Variants in MROH7 observed in about 807,000 individuals in gnomAD.
MROH7 encodes the protein maestro heat like repeat family member 7.
Under a neutral mutation model 129.2 loss-of-function variants are expected in MROH7, and 113 were observed. The observed-to-expected ratio is 0.87, with a 90% CI of 0.75 to 1.02. The LOEUF (loss-of-function observed/expected upper bound fraction) is 1.02, where lower values mean the gene tolerates loss of function less well. MROH7 is among the 50% of genes least tolerant of loss of function. MROH7 has a pLI of 0.00. For synonymous variants in MROH7, 655 were observed against 667.9 expected, an observed-to-expected ratio of 0.98 and a Z score of 0.30; for missense variants, 1,601 against 1,671.3, an observed-to-expected ratio of 0.96 and a Z score of 0.73.
chr1:54,690,407 A>G (rs1645214617), intron 15 of MROH7, among the ~76,000 whole-genome samples: 1 of 151,552 alleles, frequency 6.6e-6, no homozygotes, highest in Non-Finnish European at 1.5e-5. Context: ...TCAACTACGA[A>G]TGATGCAGTT....
At chr1:54,700,265 C>T in intron 17 of MROH7, 56 bp from the exon 18 acceptor site, 1 of 1,608,910 alleles carries the variant, frequency 6.2e-7, no homozygotes, top group Non-Finnish European at 8.5e-7. Context: ...CATGGGAGGC[C>T]AGGGGGCTGC....
chr1:54,673,266 C>A, intron 8 of MROH7, 80 bp downstream of exon 8: 1 of 1,082,470 alleles, frequency 9.2e-7, no homozygotes, highest in Non-Finnish European at 1.4e-6. Context: ...GCAGTGGAGG[C>A]CAGACCTAGG....
chr1:54,705,573 C>A (rs938320556), intron 21 of MROH7, among the ~76,000 whole-genome samples: 9 of 152,116 alleles, frequency 5.9e-5, no homozygotes, highest in African/African-American at 2.2e-4. Flanking sequence ...TGAGCTGAGG[C>A]TTAAAGGATG....
rs185780231 is a variant in MROH7 at position 54,647,567 on chromosome 1, C to A, written c.-109-4382C>A. ...CCAGCCTGACCAATATGATGAAACC[C>A]CGTCGCTACTAAAAATACAAAAATT... is the stretch of plus-strand genomic sequence containing the variant. On this transcript the variant is annotated intron_variant, in intron 1 of 23. Coordinates refer to ENST00000421030, the MANE Select transcript of MROH7 (RefSeq NM_001039464.4). Among the ~76,000 whole-genome samples, 24 of 152,140 alleles carry A rather than the reference C, an allele frequency of 1.6e-4. No individual in the cohort carries two copies. In the East Asian group the frequency reaches 4.4e-3, roughly 28 times the overall value.
chr1:54,686,901 C>T lies in MROH7; in HGVS notation c.2711+453C>T, dbSNP rs113689815. 3.2e-3 allele frequency among the ~76,000 whole-genome samples: 490 copies of T among 152,262 alleles called. 1 individual carries two copies. The highest frequency in any genetic ancestry group is 0.017 in the Middle Eastern group (5 of 294). On this transcript the variant is annotated intron_variant, in intron 15 of 23. Transcript: ENST00000421030. ...CAAAGACAACCAAGTTCTTCATGCC[C>T]TCCCAGAGGAGGATTATGCAGGGAT...
chr1:54,692,583 G>A (rs1295577997), intron 16 of MROH7, 22 bp downstream of exon 16: 2 of 1,607,564 alleles, frequency 1.2e-6, no homozygotes, highest in Non-Finnish European at 1.7e-6. Flanking sequence ...GACCACCTTG[G>A]GGTTGGGGTG....
At chr1:54,678,671 G>A in intron 10 of MROH7, 71 bp from the exon 11 acceptor site, 2 of 1,026,020 alleles carry the variant, frequency 1.9e-6, no homozygotes, top group Non-Finnish European at 3.1e-6. Flanking sequence ...TTATGATGTA[G>A]GGACTTCCTA....
intron 17 of MROH7, chr1:54,699,094 T>TGCCTTTCTTTTTTTTTCTTTC (rs1553176859): frequency 4.1e-5 from 4 of 98,230 alleles, no homozygotes; most frequent in African/African-American, 1.7e-4. Flanking sequence ...TTGCCTGGCC[T>TGCCTTTCTTTTTTTTTCTTTC]TTTCTTTCTT....
At position 54,710,181 on chromosome 1, in the gene MROH7, GA is replaced by G; in HGVS notation, c.3968del (p.Lys1323SerfsTer21). Reference sequence around the variant, plus strand: ...TGGGCTCCTGGAAGATGTCCTTGAAGAAGTGACGTCCCTGAGCCCCAAACCC... The same window carrying G: ...TGGGCTCCTGGAAGATGTCCTTGAAGAGTGACGTCCCTGAGCCCCAAACCC... ...ALGSWKMSLKK is the reference protein window; with the variant it reads ...ALGSWKMSLKX On this transcript the variant is annotated frameshift_variant, in exon 24 of 24. Coordinates refer to ENST00000421030, the MANE Select transcript of MROH7 (RefSeq NM_001039464.4). LOFTEE classifies it high-confidence loss of function. 1 of 1,611,456 alleles carries G rather than the reference GA, an allele frequency of 6.2e-7. No homozygotes were observed. Among genetic ancestry groups the G allele is most frequent in the East Asian group, 2.2e-5 (1 of 44,848 alleles).
chr1:54,682,617 C>T, intron 13 of MROH7, 39 bp from the exon 14 acceptor site: 1 of 1,593,694 alleles, frequency 6.3e-7, no homozygotes, highest in Non-Finnish European at 8.6e-7. Flanking sequence ...GCCCCACTGC[C>T]TTGGCCACCA....
At chr1:54,660,286 C>T (rs1053128024) in intron 3 of MROH7, among the ~76,000 whole-genome samples, 22 of 152,156 alleles carry the variant, frequency 1.4e-4, no homozygotes, top group South Asian at 2.1e-4. Context: ...TGTATGAAGC[C>T]TCTTTTATAA....
In MROH7 at chr1:54,652,935, G is replaced by A. The variant is rs1210328814; in HGVS notation, c.9G>A (p.Leu3=). The change falls in exon 3 of 24, where the codon CTG becomes CTA. Residue 3 remains leucine (L), a synonymous_variant. Coordinates refer to ENST00000421030, the MANE Select transcript of MROH7 (RefSeq NM_001039464.4). ...AGACCTCCAGACTGGACATGGCCCT[G>A]AGTCCAGGGGCTAACCTGGTCTTCC... is the stretch of plus-strand genomic sequence containing the variant. MA[L]SPGANLVFHE... 3 of 1,585,178 alleles carry A rather than the reference G, an allele frequency of 1.9e-6. No homozygotes were observed. Among genetic ancestry groups the A allele is most frequent in the Admixed American group, 1.8e-5 (1 of 54,708 alleles).
intron 14 of MROH7, among the ~76,000 whole-genome samples, chr1:54,684,917 T>A (rs1387691401): frequency 6.6e-6 from 1 of 152,262 alleles, no homozygotes; most frequent in Non-Finnish European, 1.5e-5. Context: ...TCAGCCCATG[T>A]TAGGTCACTT....
intron 4 of MROH7, among the ~76,000 whole-genome samples, chr1:54,668,378 T>C (rs556631953): frequency 1.2e-4 from 18 of 152,338 alleles, no homozygotes; most frequent in African/African-American, 4.1e-4. Flanking sequence ...AAATTAGTTT[T>C]CTTATTTCAT....
At chr1:54,699,177 TTC>T (rs1645387986) in intron 17 of MROH7, 1 of 134,938 alleles carries the variant, frequency 7.4e-6, no homozygotes, top group Admixed American at 7.3e-5. Context: ...CTTTCTTTCT[TTC>T]TTTCTTTCTC....
intron 10 of MROH7, among the ~76,000 whole-genome samples, chr1:54,676,330 C>T (rs754190166): frequency 2.0e-5 from 3 of 152,116 alleles, no homozygotes; most frequent in South Asian, 2.1e-4. Flanking sequence ...CTCAACCTCC[C>T]GGGCTCAGGT....
intron 1 of MROH7, among the ~76,000 whole-genome samples, chr1:54,644,670 TAA>T (rs199635838): frequency 4.1e-5 from 6 of 145,420 alleles, no homozygotes; most frequent in Admixed American, 6.9e-5. Context: ...TTTTTTAATG[TAA>T]AAAAAAAAAA....
chr1:54,681,758 G>C (rs1025400663), intron 13 of MROH7, among the ~76,000 whole-genome samples: 2 of 152,178 alleles, frequency 1.3e-5, no homozygotes, highest in Non-Finnish European at 2.9e-5. Context: ...GAGGCTCCCT[G>C]ATATTATGTG....
intron 18 of MROH7, 123 bp downstream of exon 18, chr1:54,700,584 C>A: frequency 1.1e-6 from 1 of 906,230 alleles, no homozygotes; most frequent in Non-Finnish European, 1.6e-6. Flanking sequence ...CTATCTTAGC[C>A]TCAGTTGTCC....
Sources: allele counts gnomAD v4.1 joint callset (sites outside exome capture counted in the v4.1 genomes callset), GRCh38; gene constraint gnomAD v4.1.1; transcripts MANE v1.5; gene names NCBI Gene and HGNC (gene_info 2026-07-23, HGNC 2026-07-21).